The following HIPK2 variants were observed in gnomAD, a reference collection of about 807,000 sequenced individuals.
HIPK2 encodes the protein homeodomain-interacting protein kinase 2.
Under a neutral mutation model 113.7 loss-of-function variants are expected in HIPK2, and 27 were observed. The observed-to-expected ratio is 0.24, with a 90% CI of 0.17 to 0.33. The LOEUF (loss-of-function observed/expected upper bound fraction) is 0.33. Among genes scored for constraint, HIPK2 ranks in the 10% least tolerant of loss-of-function variants. The probability of loss-of-function intolerance (pLI) is 1.00; values close to 1 mark genes in which losing one functional copy is unlikely to be tolerated. For missense variants in HIPK2, 1,257 were observed against 1,588.0 expected, an observed-to-expected ratio of 0.79 and a Z score of 3.54; for synonymous variants, 631 against 642.2, an observed-to-expected ratio of 0.98 and a Z score of 0.26.
intron 2 of HIPK2, among the ~76,000 whole-genome samples, chr7:139,657,275 C>A (rs73156881): frequency 0.054 from 8,183 of 152,260 alleles, 276 homozygotes; most frequent in African/African-American, 0.096. Context: ...TGCACGCTGA[C>A]CCTCCGTGGG....
intron 2 of HIPK2, among the ~76,000 whole-genome samples, chr7:139,636,783 T>C (rs1041901287): frequency 6.6e-6 from 1 of 152,216 alleles, no homozygotes; most frequent in African/African-American, 2.4e-5. Flanking sequence ...CTGACAGTCA[T>C]CTTACTCGCT....
intron 1 of HIPK2, among the ~76,000 whole-genome samples, chr7:139,767,191 T>C (rs1252082732): frequency 6.6e-6 from 1 of 152,194 alleles, no homozygotes; most frequent in Non-Finnish European, 1.5e-5. Context: ...GAAATGCAAA[T>C]GCTCAAGCCT....
chr7:139,747,171 C>T (rs568503379), intron 1 of HIPK2, among the ~76,000 whole-genome samples: 52 of 152,280 alleles, frequency 3.4e-4, no homozygotes, highest in South Asian at 2.5e-3. Context: ...ACTCTCCAAA[C>T]GGCATCCTCT....
intron 1 of HIPK2, among the ~76,000 whole-genome samples, chr7:139,772,612 G>C (rs1796670732): frequency 6.6e-6 from 1 of 152,070 alleles, no homozygotes; most frequent in Non-Finnish European, 1.5e-5. Flanking sequence ...TATTGAGAAA[G>C]ACTCTCGCTC....
chr7:139,624,546 G>T (rs1800358911), intron 6 of HIPK2, among the ~76,000 whole-genome samples: 2 of 152,156 alleles, frequency 1.3e-5, no homozygotes, highest in Non-Finnish European at 2.9e-5. Flanking sequence ...TCCACCTCCA[G>T]AAACTACAAG....
intron 1 of HIPK2, among the ~76,000 whole-genome samples, chr7:139,768,785 G>A (rs1173681638): frequency 6.6e-6 from 1 of 152,152 alleles, no homozygotes; most frequent in African/African-American, 2.4e-5. Flanking sequence ...TATACCTGGA[G>A]CCCCACCTGG....
Position 139,717,010 on chromosome 7 carries a change from C to A in HIPK2, c.25G>T (p.Ala9Ser), listed in dbSNP as rs760011575. 3.1e-6 allele frequency: 5 copies of A among 1,605,144 alleles called. No homozygotes were observed. In the African/African-American group the frequency reaches 6.7e-5, roughly 21 times the overall value. MAPVYEGM[A>S]SHVQVFSPHT... ...GGGGAGAAAACTTGCACATGTGAGGCCATACCTACAAGGAAAGGAAAACGA... is the reference window on the plus strand; with the variant it reads ...GGGGAGAAAACTTGCACATGTGAGGACATACCTACAAGGAAAGGAAAACGA... Residue 9 changes from alanine to serine, a missense_variant, in exon 2 of 15, where the codon GCC becomes TCC. Ala to Ser is a moderately conservative substitution (Grantham distance 99). This residue lies in a region of HIPK2 where 209 missense variants were observed against 237.8 expected (regional missense o/e 0.88). Transcript: ENST00000406875.
chr7:139,597,546 T>C lies in HIPK2; in HGVS notation c.2436-548A>G, dbSNP rs137894285. Among the ~76,000 whole-genome samples the C allele has an allele frequency of 2.5e-3, 377 of 152,340 alleles. 4 individuals carry two copies. Among genetic ancestry groups the C allele is most frequent in the East Asian group, 0.018 (95 of 5,188 alleles). ...AGGACCTAACCTTGGTGACCAGTGG[T>C]TCAGTTTTCCTTCTTTCCTCCTCTG... On this transcript the variant is annotated intron_variant, in intron 11 of 14. Coordinates refer to ENST00000406875, the MANE Select transcript of HIPK2 (RefSeq NM_022740.5).
rs1794257932 is a variant in HIPK2, at chr7:139,687,412, T to G, written c.1103+28520A>C. Among the ~76,000 whole-genome samples the G allele has an allele frequency of 3.3e-5, 5 of 152,254 alleles. No homozygotes were observed. In the South Asian group the frequency reaches 1.0e-3, roughly 31 times the overall value. ...ATTCACTGTATTGCAATATTCACTT[T>G]ATTGAGGTGGTCTGAAACCAAGCCT... On this transcript the variant is annotated intron_variant, in intron 2 of 14. Coordinates refer to ENST00000406875, the MANE Select transcript of HIPK2 (RefSeq NM_022740.5).
chr7:139,751,313 G>A (rs904760828), intron 1 of HIPK2, among the ~76,000 whole-genome samples: 2 of 152,046 alleles, frequency 1.3e-5, no homozygotes, highest in Non-Finnish European at 1.5e-5. Flanking sequence ...GGAGAGACAG[G>A]ATTTAGTTTA....
intron 1 of HIPK2, among the ~76,000 whole-genome samples, chr7:139,744,225 C>T (rs10215942): frequency 0.23 from 34,391 of 152,168 alleles, 8,422 homozygotes; most frequent in African/African-American, 0.59. Context: ...CCGTGAAACA[C>T]TATTTGGCAA....
intron 1 of HIPK2, among the ~76,000 whole-genome samples, chr7:139,763,084 G>A (rs542574473): frequency 2.0e-5 from 3 of 152,182 alleles, no homozygotes; most frequent in African/African-American, 7.2e-5. Flanking sequence ...AAAGGGTGCT[G>A]AAGCAGGAAA....
chr7:139,574,034 C>T (rs1798404327), intron 14 of HIPK2, among the ~76,000 whole-genome samples: 1 of 152,098 alleles, frequency 6.6e-6, no homozygotes, highest in Admixed American at 6.5e-5. Context: ...GAACCTAGCT[C>T]ACTGTAGCCT....
chr7:139,573,103 C>T lies in HIPK2; in HGVS notation c.3421G>A (p.Val1141Ile), dbSNP rs921463007. 5.6e-6 allele frequency: 9 copies of T among 1,611,636 alleles called. No homozygotes were observed. The highest frequency in any genetic ancestry group is 3.4e-5 in the Admixed American group (2 of 59,534). The change falls in exon 15 of 15, where the codon GTC becomes ATC. Residue 1141 changes from valine (V) to isoleucine (I), a missense_variant. Physicochemically the swap from Val to Ile is conservative, Grantham distance 29 (BLOSUM62 3). This residue lies in a region of HIPK2 where 862 missense variants were observed against 1,004.3 expected (regional missense o/e 0.86). Transcript: ENST00000406875. ...VQHTAYPASI[V>I]HQVPVSMGPR... ...CCCATGCTCACGGGGACCTGGTGGA[C>T]GATGCTGGCTGGGTAGGCAGTGTGC...
At chr7:139,620,038 T>C (rs1351042573) in intron 7 of HIPK2, among the ~76,000 whole-genome samples, 1 of 152,146 alleles carries the variant, frequency 6.6e-6, no homozygotes, top group Non-Finnish European at 1.5e-5. Flanking sequence ...GCTGGGGTTA[T>C]AGGCATGAGC....
At chr7:139,609,088 G>C (rs956547038) in intron 9 of HIPK2, among the ~76,000 whole-genome samples, 1 of 152,188 alleles carries the variant, frequency 6.6e-6, no homozygotes, top group African/African-American at 2.4e-5. Flanking sequence ...CATTTGACAA[G>C]TCAGATAAAT....
At chr7:139,675,974 C>T (rs1802482016) in intron 2 of HIPK2, among the ~76,000 whole-genome samples, 1 of 152,198 alleles carries the variant, frequency 6.6e-6, no homozygotes, top group African/African-American at 2.4e-5. Flanking sequence ...TGTCAACTTT[C>T]CTAAACCTTA....
chr7:139,585,880 A>C (rs1171839268), intron 12 of HIPK2, among the ~76,000 whole-genome samples: 1 of 152,218 alleles, frequency 6.6e-6, no homozygotes, highest in Non-Finnish European at 1.5e-5. Flanking sequence ...GAAGATTGAA[A>C]TCAAAGAAAA....
intron 1 of HIPK2, among the ~76,000 whole-genome samples, chr7:139,727,553 T>C (rs1484149988): frequency 6.6e-6 from 1 of 152,238 alleles, no homozygotes; most frequent in African/African-American, 2.4e-5. Flanking sequence ...TCTCCACACA[T>C]CTATCTACTT....
Sources: allele counts gnomAD v4.1 joint callset (sites outside exome capture counted in the v4.1 genomes callset), GRCh38; gene constraint gnomAD v4.1.1; regional missense constraint gnomAD v4.1.1; transcripts MANE v1.5; gene names NCBI Gene and HGNC (gene_info 2026-07-23, HGNC 2026-07-21).